The following ZNF423 variants were observed in gnomAD, a reference collection of about 807,000 sequenced individuals.
The protein encoded by ZNF423 is Ebf-associated zinc finger protein.
A neutral mutation model predicts 95.8 loss-of-function variants in ZNF423; 12 were observed. The ratio of observed to expected loss-of-function variants is 0.13; its 90% CI spans 0.08 to 0.20. The LOEUF is 0.20. ZNF423 is among the 10% of genes least tolerant of loss of function. The pLI is 1.00. For synonymous variants in ZNF423, 749 were observed against 711.9 expected, an observed-to-expected ratio of 1.05 and a Z score of -0.83; for missense variants, 1,316 against 1,737.1, an observed-to-expected ratio of 0.76 and a Z score of 4.31.
At chr16:49,625,957 A>T (rs1320895301) in intron 5 of ZNF423, among the ~76,000 whole-genome samples, 5 of 152,194 alleles carry the variant, frequency 3.3e-5, no homozygotes, top group African/African-American at 9.6e-5. Flanking sequence ...GATTGTCAAA[A>T]GTTTGATTAT....
chr16:49,722,514 A>G (rs935733751), intron 3 of ZNF423, among the ~76,000 whole-genome samples: 4 of 152,234 alleles, frequency 2.6e-5, no homozygotes, highest in Admixed American at 2.6e-4. Flanking sequence ...GTCCCTGCTA[A>G]TAGCACACAC....
In ZNF423 at chr16:49,555,501, G is replaced by A. The variant is rs187176045; in HGVS notation, c.3602-30007C>T. On this transcript the variant is annotated intron_variant, in intron 5 of 7. Transcript: ENST00000563137. ...TTTGTAGACGAAAGGGTTAACACAC[G>A]GGTTAAGTAGCTTTCCTAGGACATA... 5.0e-4 allele frequency among the ~76,000 whole-genome samples: 76 copies of A among 152,356 alleles called. 1 individual carries two copies. Among genetic ancestry groups the A allele is most frequent in the African/African-American group, 1.8e-3 (73 of 41,590 alleles).
rs578182203 is a variant in ZNF423, at chr16:49,714,179, G to A, written c.301+16592C>T. On this transcript the variant is annotated intron_variant, in intron 3 of 7. Transcript: ENST00000563137. ...ATTCTCCCAGGAGATCATGGGCTCCGAAGGGCGGGAGCCAATTGTATTTAT... is the reference window on the plus strand; with the variant it reads ...ATTCTCCCAGGAGATCATGGGCTCCAAAGGGCGGGAGCCAATTGTATTTAT... 3.2e-4 allele frequency among the ~76,000 whole-genome samples: 49 copies of A among 152,334 alleles called. No homozygotes were observed. In the South Asian group the frequency reaches 3.9e-3, roughly 12 times the overall value.
chr16:49,633,276 C>T (rs1382186786), intron 4 of ZNF423, among the ~76,000 whole-genome samples: 1 of 152,092 alleles, frequency 6.6e-6, no homozygotes, highest in Non-Finnish European at 1.5e-5. Flanking sequence ...GTGTGGATTG[C>T]CATTGTAAAA....
At chr16:49,815,888 A>T (rs2034837535) in intron 1 of ZNF423, among the ~76,000 whole-genome samples, 1 of 39,850 alleles carries the variant, frequency 2.5e-5, no homozygotes, top group Admixed American at 3.3e-4. Context: ...AAAAATATAT[A>T]TATATATATA....
intron 3 of ZNF423, among the ~76,000 whole-genome samples, chr16:49,721,875 T>G (rs563456966): frequency 6.6e-6 from 1 of 152,250 alleles, no homozygotes; most frequent in African/African-American, 2.4e-5. Context: ...ATGCAGAATC[T>G]TCCCACCTTG....
chr16:49,538,254 C>G (rs945961410), intron 5 of ZNF423, among the ~76,000 whole-genome samples: 1 of 152,230 alleles, frequency 6.6e-6, no homozygotes, highest in African/African-American at 2.4e-5. Flanking sequence ...GCGAGCAGAA[C>G]AGCTGCCATT....
chr16:49,519,233 T>C (rs1056362763), intron 7 of ZNF423, among the ~76,000 whole-genome samples: 3 of 152,238 alleles, frequency 2.0e-5, no homozygotes, highest in Non-Finnish European at 2.9e-5. Flanking sequence ...ATGACAAAGC[T>C]GTTATCATCA....
intron 3 of ZNF423, among the ~76,000 whole-genome samples, chr16:49,700,945 G>A (rs950268721): frequency 6.6e-6 from 1 of 152,114 alleles, no homozygotes; most frequent in Non-Finnish European, 1.5e-5. Flanking sequence ...GGCAGAGGAG[G>A]GAGGAGAAGG....
chr16:49,663,994 G>A (rs2030392100), intron 3 of ZNF423: 9 of 882,868 alleles, frequency 1.0e-5, no homozygotes, highest in Non-Finnish European at 1.2e-5. Flanking sequence ...GCCTCTAAGG[G>A]GACTCGGCGT....
chr16:49,786,564 C>T (rs560877597), intron 2 of ZNF423, among the ~76,000 whole-genome samples: 67 of 152,234 alleles, frequency 4.4e-4, no homozygotes, highest in Non-Finnish European at 9.0e-4. Flanking sequence ...CTATGCCCTG[C>T]AGCCACCAGG....
intron 3 of ZNF423, among the ~76,000 whole-genome samples, chr16:49,688,685 T>C (rs1286485109): frequency 6.6e-6 from 1 of 152,142 alleles, no homozygotes; most frequent in Non-Finnish European, 1.5e-5. Flanking sequence ...TTAAAACACA[T>C]CCACAAACAA....
rs1972778743 is a variant in ZNF423, at chr16:49,637,542, T to C, written c.1634A>G (p.Gln545Arg). 1 of 1,613,706 alleles carries C rather than the reference T, an allele frequency of 6.2e-7. No individual in the cohort carries two copies. The highest frequency in any genetic ancestry group is 1.1e-5 in the South Asian group (1 of 91,048). Residue 545 changes from glutamine to arginine, a missense_variant, in exon 4 of 8, where the codon CAG (glutamine) becomes CGG (arginine). Gln to Arg is a conservative substitution (Grantham distance 43). Around this residue, in one of 6 missense-constraint regions of ZNF423, gnomAD observed 399 missense variants for 478.5 expected, o/e 0.83. Coordinates refer to ENST00000563137, the MANE Select transcript of ZNF423 (RefSeq NM_001379286.1). The surrounding 1 kb of genome is among the most constrained non-coding windows in gnomAD (Gnocchi z 5.6). Reference sequence around the variant, plus strand: ...ACTGCCCACACTGCAGTGGGCCTGCTGGATGTGCTCGGTGAGGGAGGACTC... The same window carrying C: ...ACTGCCCACACTGCAGTGGGCCTGCCGGATGTGCTCGGTGAGGGAGGACTC... ...LTESSLTEHI[Q>R]QAHCSVGSAK...
intron 7 of ZNF423, among the ~76,000 whole-genome samples, chr16:49,493,373 C>T (rs1967046518): frequency 6.6e-6 from 1 of 152,194 alleles, no homozygotes; most frequent in South Asian, 2.1e-4. Flanking sequence ...CTAGACTGAC[C>T]TCCTTTGCTG....
chr16:49,517,945 T>C (rs931280138), intron 7 of ZNF423: 2 of 453,824 alleles, frequency 4.4e-6, no homozygotes, highest in African/African-American at 4.0e-5. Context: ...CAAAAGACCA[T>C]TGTTTTTAGG....
chr16:49,605,293 G>C (rs865906272), intron 5 of ZNF423, among the ~76,000 whole-genome samples: 1 of 152,254 alleles, frequency 6.6e-6, no homozygotes, highest in Non-Finnish European at 1.5e-5. Context: ...CTCTTCTCTC[G>C]TTCATTAAAT....
chr16:49,634,559 C>T (rs1394609091), intron 4 of ZNF423, among the ~76,000 whole-genome samples: 1 of 152,068 alleles, frequency 6.6e-6, no homozygotes, highest in Non-Finnish European at 1.5e-5. Flanking sequence ...TCACAGGGTC[C>T]CAGGAAAAAC....
At chr16:49,532,891 G>A (rs1009174953) in intron 5 of ZNF423, among the ~76,000 whole-genome samples, 2 of 152,134 alleles carry the variant, frequency 1.3e-5, no homozygotes, top group Admixed American at 6.6e-5. Context: ...GCAATAAACC[G>A]ACATCGCATG....
intron 2 of ZNF423, among the ~76,000 whole-genome samples, chr16:49,772,979 T>G (rs938979981): frequency 2.0e-5 from 3 of 152,106 alleles, no homozygotes; most frequent in African/African-American, 7.2e-5. Context: ...CTTCACAGGG[T>G]GGCAGGATGG....
Sources: gnomAD v4.1 joint callset for allele counts (sites outside exome capture counted in the v4.1 genomes callset) on GRCh38, gnomAD v4.1.1 for gene constraint, gnomAD v4.1.1 regional missense constraint, Gnocchi (gnomAD v3.1) non-coding constraint, MANE v1.5 for transcripts, NCBI Gene and HGNC (gene_info 2026-07-23, HGNC 2026-07-21) for gene names.